The following SKAP1 variants were observed in gnomAD, a reference collection of about 807,000 sequenced individuals.
The protein encoded by SKAP1 is src kinase associated phosphoprotein 1.
In SKAP1, 44 loss-of-function variants were observed where a neutral mutation model predicts 58.5. The observed-to-expected ratio is 0.75, with a 90% CI of 0.59 to 0.97. SKAP1 has a LOEUF of 0.97. Among genes scored for constraint, SKAP1 ranks in the 50% least tolerant of loss-of-function variants. The pLI is 0.00. For missense variants in SKAP1, 390 were observed against 435.2 expected (o/e 0.90, Z 0.92); for synonymous variants, 127 against 149.7 (o/e 0.85, Z 1.11).
At chr17:48,328,648 TC>T (rs1477409190) in intron 4 of SKAP1, among the ~76,000 whole-genome samples, 1 of 152,146 alleles carries the variant, frequency 6.6e-6, no homozygotes, top group African/African-American at 2.4e-5. Flanking sequence ...TCTGTGCAAA[TC>T]CATTAACTAT....
At chr17:48,184,599 G>T in intron 7 of SKAP1, 124 bp downstream of exon 7, 1 of 1,225,654 alleles carries the variant, frequency 8.2e-7, no homozygotes, top group South Asian at 1.2e-5. Context: ...TAGGGTCTTC[G>T]TTGGCATGAA....
At chr17:48,422,377 T>G (rs990014037) in intron 1 of SKAP1, among the ~76,000 whole-genome samples, 7 of 152,328 alleles carry the variant, frequency 4.6e-5, no homozygotes, top group Admixed American at 4.6e-4. Flanking sequence ...AAATTTAATT[T>G]TATTTATCAG....
At chr17:48,309,011 T>C (rs2066186094) in intron 4 of SKAP1, among the ~76,000 whole-genome samples, 1 of 152,098 alleles carries the variant, frequency 6.6e-6, no homozygotes, top group Admixed American at 6.6e-5. Flanking sequence ...TTTTGATACC[T>C]GAGAGCTCTG....
At chr17:48,191,817 TA>T (rs1456855945) in intron 4 of SKAP1, among the ~76,000 whole-genome samples, 2 of 152,232 alleles carry the variant, frequency 1.3e-5, no homozygotes, top group Non-Finnish European at 2.9e-5. Context: ...GTGGTTGCCA[TA>T]AATCCTTTTA....
At chr17:48,417,269 T>G (rs964553357) in intron 1 of SKAP1, among the ~76,000 whole-genome samples, 2 of 152,186 alleles carry the variant, frequency 1.3e-5, no homozygotes, top group Non-Finnish European at 2.9e-5. Context: ...TTAATTTTCC[T>G]TCTACCTCCT....
chr17:48,195,938 T>C (rs2143572446), intron 4 of SKAP1, among the ~76,000 whole-genome samples: 1 of 152,240 alleles, frequency 6.6e-6, no homozygotes, highest in Middle Eastern at 3.4e-3. Context: ...AGGTCAGTAG[T>C]ACAAAGAAAA....
chr17:48,422,362 A>C (rs191867391), intron 1 of SKAP1, among the ~76,000 whole-genome samples: 1 of 152,262 alleles, frequency 6.6e-6, no homozygotes, highest in Admixed American at 6.5e-5. Flanking sequence ...AACTCAAGTG[A>C]AAAAAAATTT....
intron 4 of SKAP1, among the ~76,000 whole-genome samples, chr17:48,250,654 G>T (rs141282242): frequency 6.6e-6 from 1 of 151,350 alleles, no homozygotes; most frequent in African/African-American, 2.4e-5. Context: ...CGATCTTCTC[G>T]TTTTTCTAAA....
At chr17:48,205,015 T>TTCTTTCTTTGTTTG (rs751542564) in intron 4 of SKAP1, among the ~76,000 whole-genome samples, 1 of 55,678 alleles carries the variant, frequency 1.8e-5, no homozygotes, top group Non-Finnish European at 3.5e-5. Context: ...CTTTCTTTCT[T>TTCTTTCTTTGTTTG]TTTCTTTCTT....
At chr17:48,179,106 G>C (rs1439929847) in intron 9 of SKAP1, among the ~76,000 whole-genome samples, 2 of 152,242 alleles carry the variant, frequency 1.3e-5, no homozygotes, top group Non-Finnish European at 2.9e-5. Context: ...TCAGGGACTT[G>C]AGTGTTAGAT....
At chr17:48,267,338 C>T (rs921268558) in intron 4 of SKAP1, among the ~76,000 whole-genome samples, 1 of 152,080 alleles carries the variant, frequency 6.6e-6, no homozygotes, top group Non-Finnish European at 1.5e-5. Flanking sequence ...TTCTCACAAT[C>T]AAAAAATAAT....
intron 4 of SKAP1, among the ~76,000 whole-genome samples, chr17:48,221,455 G>A (rs2065005658): frequency 6.6e-6 from 1 of 152,186 alleles, no homozygotes; most frequent in South Asian, 2.1e-4. Flanking sequence ...GTTTCTCCTT[G>A]AGTAAAGTTT....
chr17:48,333,551 A>G (rs897715790), intron 4 of SKAP1, among the ~76,000 whole-genome samples: 2 of 152,076 alleles, frequency 1.3e-5, no homozygotes, highest in Admixed American at 6.6e-5. Flanking sequence ...TTTTATCTCA[A>G]TTAGACAAAG....
chr17:48,289,864 C>A (rs2065878505), intron 4 of SKAP1, among the ~76,000 whole-genome samples: 1 of 151,950 alleles, frequency 6.6e-6, no homozygotes, highest in African/African-American at 2.4e-5. Flanking sequence ...ATTTTTTCAT[C>A]TAAACTAAAG....
At chr17:48,269,499 G>C (rs1378824569) in intron 4 of SKAP1, among the ~76,000 whole-genome samples, 1 of 152,188 alleles carries the variant, frequency 6.6e-6, no homozygotes, top group African/African-American at 2.4e-5. Context: ...GAGTTAACCT[G>C]CTATAAGGTC....
At chr17:48,429,817 G>A (rs1431543632) in intron 1 of SKAP1, among the ~76,000 whole-genome samples, 1 of 152,206 alleles carries the variant, frequency 6.6e-6, no homozygotes, top group Non-Finnish European at 1.5e-5. Context: ...CTGGCCTGAG[G>A]ACTTTAGAAG....
At chr17:48,238,017 G>A (rs774944206) in intron 4 of SKAP1, among the ~76,000 whole-genome samples, 2 of 151,306 alleles carry the variant, frequency 1.3e-5, no homozygotes, top group South Asian at 2.1e-4. Flanking sequence ...TTTTTGAGAC[G>A]GAGCCTGGCT....
intron 4 of SKAP1, among the ~76,000 whole-genome samples, chr17:48,194,043 G>T (rs900717098): frequency 6.6e-6 from 1 of 152,024 alleles, no homozygotes; most frequent in Non-Finnish European, 1.5e-5. Flanking sequence ...AAGTCTAAAG[G>T]TGTATTACAT....
chr17:48,172,195 A>G (rs756120149), intron 9 of SKAP1, among the ~76,000 whole-genome samples: 1 of 152,192 alleles, frequency 6.6e-6, no homozygotes, highest in Non-Finnish European at 1.5e-5. Flanking sequence ...GCTTGTAGTT[A>G]TCTTTTTACT....
Sources: gnomAD v4.1 joint callset for allele counts (sites outside exome capture counted in the v4.1 genomes callset) on GRCh38, gnomAD v4.1.1 for gene constraint, MANE v1.5 for transcripts, NCBI Gene and HGNC (gene_info 2026-07-23, HGNC 2026-07-21) for gene names.